DGKK: variants seen among roughly 807,000 people sequenced by gnomAD.
DGKK encodes the protein 142 kDa diacylglycerol kinase.
Under a neutral mutation model 92.2 loss-of-function variants are expected in DGKK, and 35 were observed. That is an observed-to-expected ratio of 0.38 (90% CI 0.29 to 0.50). The LOEUF (loss-of-function observed/expected upper bound fraction) is 0.50. Ranked by LOEUF, DGKK falls within the 20% of genes least tolerant of loss-of-function variation. DGKK has a pLI of 0.92. For synonymous variants in DGKK, 368 were observed against 360.6 expected (o/e 1.02, Z -0.23); for missense variants, 910 against 992.2 (o/e 0.92, Z 1.11).
In DGKK at chrX:50,403,048, A is replaced by C; in HGVS notation, c.1308+13T>G. 1 of 1,209,184 alleles carries C rather than the reference A, an allele frequency of 8.3e-7. No homozygotes were observed. Among genetic ancestry groups the C allele is most frequent in the Non-Finnish European group, 1.1e-6 (1 of 894,162 alleles). On this transcript the variant is annotated intron_variant, in intron 7 of 27. Coordinates refer to ENST00000611977, the MANE Select transcript of DGKK (RefSeq NM_001013742.4). ...GTTAAGTTCTCTAAATATCAAGATG[A>C]GAAGAGTCTTACCGTAGAATTACAC...
rs782159939 is a variant in DGKK, at chrX:50,378,612, C to T, written c.2942G>A (p.Arg981His). ...IFGSVQMAMSRIINLHHHRIA... is the reference protein window; with the variant it reads ...IFGSVQMAMSHIINLHHHRIA... ...GCGATGATGATGCAGGTTGATGATA[C>T]GGGACATTGCCATCTGCACAGAACC... Residue 981 changes from arginine to histidine, a missense_variant, in exon 21 of 28, where the codon CGT becomes CAT. Coordinates refer to ENST00000611977, the MANE Select transcript of DGKK (RefSeq NM_001013742.4). 3.5e-5 allele frequency: 42 copies of T among 1,207,489 alleles called. No individual in the cohort carries two copies. Among genetic ancestry groups the T allele is most frequent in the Middle Eastern group, 2.3e-4 (1 of 4,371 alleles).
Position 50,367,941 on chromosome X carries a change from G to A in DGKK, c.*999C>T, listed in dbSNP as rs1924012488. 1 of 109,778 alleles carries A rather than the reference G, an allele frequency of 9.1e-6. No individual in the cohort carries two copies. Among genetic ancestry groups the A allele is most frequent in the Admixed American group, 9.7e-5 (1 of 10,279 alleles). 9.0% of individuals were successfully genotyped at this position (109,778 alleles called of 1,213,427 possible). A position where few individuals can be genotyped will look rare whatever the true frequency, so the allele number is the denominator to read the frequency against. On this transcript the variant is annotated 3_prime_UTR_variant, in exon 28 of 28. Transcript: ENST00000611977. ...GCTCCACCAAGAAATAGGGCAGTTG[G>A]TAGAGGTGTATGTGTTATTGTTATG...
At chrX:50,391,900 C>T (rs1009935148) in intron 10 of DGKK, among the ~76,000 whole-genome samples, 1 of 112,043 alleles carries the variant, frequency 8.9e-6, no homozygotes, top group Non-Finnish European at 1.9e-5. Flanking sequence ...AGGTGAAGTA[C>T]GTCAGGAGAC....
intron 4 of DGKK, among the ~76,000 whole-genome samples, chrX:50,412,344 T>C (rs1557228050): frequency 8.9e-6 from 1 of 112,440 alleles, no homozygotes; most frequent in African/African-American, 3.2e-5. Flanking sequence ...GCTGTGTTCA[T>C]GGATTGGAAG....
At position 50,388,609 on chromosome X, in the gene DGKK, T is replaced by A; in HGVS notation, c.1936A>T (p.Ile646Phe). The A allele has an allele frequency of 8.3e-7, 1 of 1,201,495 alleles. No homozygotes were observed. Among genetic ancestry groups the A allele is most frequent in the Non-Finnish European group, 1.1e-6 (1 of 888,952 alleles). Residue 646 changes from isoleucine (I) to phenylalanine (F), a missense_variant, in exon 13 of 28, where the codon ATC becomes TTC. Transcript: ENST00000611977. ...GTGGCTGCAGATTCTAAGTGTTGGA[T>A]GGCAGCAGCCTAGGGGCAAAAGGAG... ...MDVPRFEAAA[I>F]QHLESAATEL...
At chrX:50,393,047 C>T in intron 9 of DGKK, 105 bp downstream of exon 9, 1 of 698,244 alleles carries the variant, frequency 1.4e-6, no homozygotes, top group Non-Finnish European at 2.1e-6. Flanking sequence ...TAGACCTTTC[C>T]TGCCCAAATA....
intron 1 of DGKK, among the ~76,000 whole-genome samples, chrX:50,448,032 G>C (rs962410701): frequency 1.4e-4 from 16 of 111,495 alleles, no homozygotes; most frequent in African/African-American, 4.9e-4. Context: ...TTTGTTAAAT[G>C]TAAAATAAAT....
chrX:50,385,340 C>G (rs1924518204), intron 15 of DGKK, among the ~76,000 whole-genome samples: 1 of 111,552 alleles, frequency 9.0e-6, no homozygotes, highest in Non-Finnish European at 1.9e-5. Context: ...AGCTGAGATG[C>G]CCAGTCTCAG....
rs782570638 is a variant in DGKK, at chrX:50,403,061, C to G, written c.1308G>C (p.Thr436=). The G allele has an allele frequency of 4.5e-5, 54 of 1,208,269 alleles. No homozygotes were observed. Among genetic ancestry groups the G allele is most frequent in the Non-Finnish European group, 5.6e-5 (50 of 894,390 alleles). The change falls in exon 7 of 28, where the codon ACG becomes ACC. Residue 436 remains threonine, a splice_region_variant and synonymous_variant. Coordinates refer to ENST00000611977, the MANE Select transcript of DGKK (RefSeq NM_001013742.4). Reference sequence around the variant, plus strand: ...AATATCAAGATGAGAAGAGTCTTACCGTAGAATTACACCACAGGCAGCGGA... The same window carrying G: ...AATATCAAGATGAGAAGAGTCTTACGGTAGAATTACACCACAGGCAGCGGA... The part of the protein sequence containing the change: ...QDFRCLWCNS[T]VHDDCRRRFS...
At chrX:50,391,621 C>A (rs782714902) in intron 10 of DGKK, 45 bp from the exon 11 acceptor site, 3 of 1,193,765 alleles carry the variant, frequency 2.5e-6, no homozygotes, top group Non-Finnish European at 3.4e-6. Context: ...GTCTTTCTAC[C>A]AAGCTTCACC....
At chrX:50,394,562 A>C (rs782550198) in intron 8 of DGKK, among the ~76,000 whole-genome samples, 1 of 112,100 alleles carries the variant, frequency 8.9e-6, no homozygotes, top group African/African-American at 3.2e-5. Context: ...ACCCCTTCCA[A>C]CATTTTTTTA....
At chrX:50,467,623 C>T (rs1469358064) in intron 1 of DGKK, among the ~76,000 whole-genome samples, 1 of 112,889 alleles carries the variant, frequency 8.9e-6, no homozygotes, top group Non-Finnish European at 1.9e-5. Flanking sequence ...TTTTTCCCCC[C>T]AAGCTTGCCT....
At chrX:50,403,974 A>G (rs1199980847) in intron 5 of DGKK, 75 bp downstream of exon 5, 5 of 1,139,329 alleles carry the variant, frequency 4.4e-6, no homozygotes, top group Non-Finnish European at 5.9e-6. Flanking sequence ...AGTTAATGAT[A>G]CTAAAGCCAC....
rs183821338 is a variant in DGKK, at chrX:50,450,824, C to A, written c.645+19210G>T. On this transcript the variant is annotated intron_variant, in intron 1 of 27. Coordinates refer to ENST00000611977, the MANE Select transcript of DGKK (RefSeq NM_001013742.4). ...AGAAGATATCATCAACTGTGAGGAG[C>A]CTTAGGATCTTGGAGACCTTGTCAG... Among the ~76,000 whole-genome samples the A allele has an allele frequency of 2.9e-3, 326 of 111,564 alleles. 1 individual carries two copies. The highest frequency in any genetic ancestry group is 5.3e-3 in the Non-Finnish European group (283 of 52,994).
chrX:50,421,188 GAAT>G (rs1557229110), intron 3 of DGKK, among the ~76,000 whole-genome samples: 1 of 111,415 alleles, frequency 9.0e-6, no homozygotes, highest in African/African-American at 3.3e-5. Context: ...ACCCAGGCAG[GAAT>G]AATAAGAATG....
intron 4 of DGKK, among the ~76,000 whole-genome samples, chrX:50,408,792 A>T (rs1360863583): frequency 8.9e-6 from 1 of 112,118 alleles, no homozygotes; most frequent in African/African-American, 3.2e-5. Context: ...ATGGAGAGGA[A>T]TATTGCTGAG....
At chrX:50,432,229 C>T (rs1182089442) in intron 1 of DGKK, among the ~76,000 whole-genome samples, 1 of 112,300 alleles carries the variant, frequency 8.9e-6, no homozygotes, top group Non-Finnish European at 1.9e-5. Flanking sequence ...TCTCCTCCCA[C>T]TGCTTCCTGT....
chrX:50,470,124 C>G lies in DGKK; in HGVS notation c.555G>C (p.Pro185=). 1 of 1,212,111 alleles carries G rather than the reference C, an allele frequency of 8.3e-7. No homozygotes were observed. The highest frequency in any genetic ancestry group is 1.1e-6 in the Non-Finnish European group (1 of 895,464). The change falls in exon 1 of 28, where the codon CCG becomes CCC. Residue 185 remains proline (P), a synonymous_variant. Coordinates refer to ENST00000611977, the MANE Select transcript of DGKK (RefSeq NM_001013742.4). ...PSPAPCLLQC[P]VDTRERGLKT... ...TTAGACCTCTCTCTCGAGTGTCCAC[C>G]GGACATTGCAATAGACATGGTGCTG...
rs918801743 is a variant in DGKK at position 50,366,255 on chromosome X, T to G, written c.*2685A>C. 17 of 112,278 alleles carry G rather than the reference T, an allele frequency of 1.5e-4. No homozygotes were observed. Among genetic ancestry groups the G allele is most frequent in the Non-Finnish European group, 3.2e-4 (17 of 53,287 alleles). 9.3% of individuals were successfully genotyped at this position (112,278 alleles called of 1,213,427 possible). On this transcript the variant is annotated 3_prime_UTR_variant, in exon 28 of 28. Coordinates refer to ENST00000611977, the MANE Select transcript of DGKK (RefSeq NM_001013742.4). ...TTCTTGCTTTGTTTCCAAGTGAGCA[T>G]ATGCAAGAACAGGTGCTTGGCAAGC...
Sources: allele counts gnomAD v4.1 joint callset (sites outside exome capture counted in the v4.1 genomes callset), GRCh38; gene constraint gnomAD v4.1.1; transcripts MANE v1.5; gene names NCBI Gene and HGNC (gene_info 2026-07-23, HGNC 2026-07-21).